LDHB: variants seen among roughly 807,000 people sequenced by gnomAD.
The protein encoded by LDHB is L-lactate dehydrogenase B chain.
LDHB carries 18 observed loss-of-function variants against 33.4 expected under a neutral mutation model. That is an observed-to-expected ratio of 0.54 (90% confidence interval 0.37 to 0.80). LDHB has a LOEUF of 0.80. Ranked by LOEUF, LDHB falls within the 30% of genes least tolerant of loss-of-function variation. The probability of loss-of-function intolerance (pLI) is 0.00; values close to 1 mark genes in which losing one functional copy is unlikely to be tolerated. For missense variants in LDHB, 345 were observed against 407.9 expected (o/e 0.85, Z 1.33); for synonymous variants, 121 against 140.6 (o/e 0.86, Z 0.98).
intron 2 of LDHB, among the ~76,000 whole-genome samples, chr12:21,650,921 G>A (rs1309537573): frequency 1.3e-5 from 2 of 152,218 alleles, no homozygotes; most frequent in African/African-American, 4.8e-5. Context: ...CATAAGACAA[G>A]GAGATGTTGA....
At chr12:21,645,381 G>GGTA (rs1210519787) in intron 3 of LDHB, among the ~76,000 whole-genome samples, 1 of 152,104 alleles carries the variant, frequency 6.6e-6, no homozygotes, top group Non-Finnish European at 1.5e-5. Flanking sequence ...GCCCGACACT[G>GGTA]GTAAAGGGTC....
chr12:21,642,197 C>T, intron 4 of LDHB, 72 bp from the exon 5 acceptor site: 3 of 1,070,310 alleles, frequency 2.8e-6, no homozygotes, highest in Non-Finnish European at 4.3e-6. Context: ...TTGGGGTGCC[C>T]TGGCTTCCCT....
intron 4 of LDHB, chr12:21,643,543 T>C: frequency 5.0e-6 from 1 of 199,628 alleles, no homozygotes; most frequent in South Asian, 9.6e-5. Flanking sequence ...AGTTGATCTG[T>C]TTCAATTCTG....
chr12:21,635,401 C>G lies in LDHB; in HGVS notation c.*141G>C. 4.0e-6 allele frequency: 3 copies of G among 749,178 alleles called. No homozygotes were observed. The highest frequency in any genetic ancestry group is 1.7e-5 in the African/African-American group (1 of 57,892). The allele number at this position is 749,178 out of a possible 1,614,324, so 46.4% of individuals were successfully genotyped here. ...CTCAGATTGCAAGCATTAAACCAAG[C>G]ATAGGCTTTGATTCTGTGAGCCCAA... is the stretch of plus-strand genomic sequence containing the variant. On this transcript the variant is annotated 3_prime_UTR_variant, in exon 8 of 8. Coordinates refer to ENST00000350669, the MANE Select transcript of LDHB (RefSeq NM_002300.8).
intron 6 of LDHB, among the ~76,000 whole-genome samples, chr12:21,637,660 C>A (rs1338951675): frequency 2.6e-5 from 4 of 151,980 alleles, no homozygotes; most frequent in Non-Finnish European, 1.5e-5. Context: ...CAAATTGTAG[C>A]TCTTAAAACC....
At chr12:21,647,349 G>T (rs945159986) in intron 2 of LDHB, among the ~76,000 whole-genome samples, 1 of 152,172 alleles carries the variant, frequency 6.6e-6, no homozygotes. Flanking sequence ...CATCCTTGAG[G>T]TCACCCCAAT....
chr12:21,636,959 G>T, intron 7 of LDHB, 112 bp downstream of exon 7: 1 of 962,362 alleles, frequency 1.0e-6, no homozygotes, highest in Non-Finnish European at 1.7e-6. Context: ...AACTTTGAGA[G>T]ACAGAAATAA....
chr12:21,650,188 T>G (rs1406090657), intron 2 of LDHB, among the ~76,000 whole-genome samples: 2 of 151,692 alleles, frequency 1.3e-5, no homozygotes, highest in African/African-American at 4.9e-5. Flanking sequence ...CATAAAATTT[T>G]GCGGGAGGAA....
intron 5 of LDHB, among the ~76,000 whole-genome samples, chr12:21,639,972 T>A (rs1938325657): frequency 6.6e-6 from 1 of 152,048 alleles, no homozygotes; most frequent in Non-Finnish European, 1.5e-5. Flanking sequence ...AACCCTTTAC[T>A]AAAATTGCAT....
intron 2 of LDHB, among the ~76,000 whole-genome samples, chr12:21,648,802 G>C (rs1449023669): frequency 6.6e-6 from 1 of 152,204 alleles, no homozygotes; most frequent in Admixed American, 6.5e-5. Context: ...CAGTGGGCTT[G>C]CTTGTGAGGG....
chr12:21,653,830 CAG>C lies in LDHB; in HGVS notation c.129+711_129+712del, dbSNP rs1286988235. Among the ~76,000 whole-genome samples, 20 of 152,206 alleles carry C rather than the reference CAG, an allele frequency of 1.3e-4. No individual in the cohort carries two copies. In the South Asian group the frequency reaches 4.0e-3, roughly 30 times the overall value. On this transcript the variant is annotated intron_variant, in intron 2 of 7. Coordinates refer to ENST00000350669, the MANE Select transcript of LDHB (RefSeq NM_002300.8). ...TTAGGTAAAAGTTTCAGGGGCATAA[CAG>C]AATATTCCCACAACCTCACAAAGCC...
chr12:21,645,612 C>T (rs1439519344), intron 3 of LDHB, among the ~76,000 whole-genome samples: 1 of 152,174 alleles, frequency 6.6e-6, no homozygotes, highest in Non-Finnish European at 1.5e-5. Context: ...TGTATATGCA[C>T]ATCAAAAGCA....
At chr12:21,649,351 G>A (rs1565629444) in intron 2 of LDHB, among the ~76,000 whole-genome samples, 3 of 152,230 alleles carry the variant, frequency 2.0e-5, no homozygotes, top group Non-Finnish European at 4.4e-5. Context: ...GAATTTAGCT[G>A]CATCCGCAGC....
intron 2 of LDHB, among the ~76,000 whole-genome samples, chr12:21,653,573 A>G (rs2136982823): frequency 6.6e-6 from 1 of 152,304 alleles, no homozygotes; most frequent in East Asian, 1.9e-4. Flanking sequence ...ATAGATATAG[A>G]CAAATACGTC....
chr12:21,641,880 T>C, intron 5 of LDHB, 72 bp downstream of exon 5: 1 of 1,318,588 alleles, frequency 7.6e-7, no homozygotes, highest in Non-Finnish European at 1.1e-6. Flanking sequence ...AAAATAAAAT[T>C]TGAAATAAAA....
intron 5 of LDHB, among the ~76,000 whole-genome samples, chr12:21,640,779 A>C (rs1169166439): frequency 6.6e-6 from 1 of 152,104 alleles, no homozygotes; most frequent in Non-Finnish European, 1.5e-5. Context: ...GGGAAAGTTC[A>C]AAATGAGGCT....
chr12:21,636,921 T>G (rs1938233661), intron 7 of LDHB, 150 bp downstream of exon 7: 1 of 732,170 alleles, frequency 1.4e-6, no homozygotes, highest in African/African-American at 1.7e-5. Context: ...CCAAGACTTC[T>G]GTTGGAAAAT....
chr12:21,654,257 C>A, intron 2 of LDHB: 1 of 391,288 alleles, frequency 2.6e-6, no homozygotes. Context: ...ATGATTTTGA[C>A]AACATGGAGA....
Position 21,650,103 on chromosome 12 carries a change from A to AAAAAAAT in LDHB, c.130-3088_130-3087insATTTTTT, listed in dbSNP as rs5796919. ...AGACTCTCTCTCTCAAGAGAAAAAA[A>AAAAAAAT]ATACACACACACACACACACACACA... On this transcript the variant is annotated intron_variant, in intron 2 of 7. Transcript: ENST00000350669. Among the ~76,000 whole-genome samples, 62 of 137,084 alleles carry AAAAAAAT rather than the reference A, an allele frequency of 4.5e-4. 2 individuals are homozygous for AAAAAAAT. Among genetic ancestry groups the AAAAAAAT allele is most frequent in the African/African-American group, 1.4e-3 (50 of 35,030 alleles). The allele number at this position is 137,084 out of a possible 152,430, so 89.9% of individuals were successfully genotyped here. A position where few individuals can be genotyped will look rare whatever the true frequency, so the allele number is the denominator to read the frequency against.
Sources: gnomAD v4.1 joint callset for allele counts (sites outside exome capture counted in the v4.1 genomes callset) on GRCh38, gnomAD v4.1.1 for gene constraint, MANE v1.5 for transcripts, NCBI Gene and HGNC (gene_info 2026-07-23, HGNC 2026-07-21) for gene names.